Variants in POLK observed in about 807,000 individuals in gnomAD.
POLK encodes polymerase (DNA directed) kappa.
POLK carries 76 observed loss-of-function variants against 94.0 expected under a neutral mutation model. The ratio of observed to expected loss-of-function variants is 0.81; its 90% CI spans 0.67 to 0.98. POLK has a LOEUF of 0.98. Among genes scored for constraint, POLK ranks in the 50% least tolerant of loss-of-function variants. The pLI, the probability that POLK is intolerant of heterozygous loss-of-function variation, is 0.00. For synonymous variants in POLK, 349 were observed against 325.4 expected (o/e 1.07, Z -0.78); for missense variants, 954 against 1,010.1 (o/e 0.94, Z 0.75).
chr5:75,565,242 GTTC>G (rs1424951446), intron 3 of POLK, among the ~76,000 whole-genome samples: 1 of 152,082 alleles, frequency 6.6e-6, no homozygotes, highest in Non-Finnish European at 1.5e-5. Flanking sequence ...GGTCATTTAT[GTTC>G]TTCTCTAAAC....
chr5:75,532,211 T>G (rs948387577), intron 1 of POLK, among the ~76,000 whole-genome samples: 2 of 152,172 alleles, frequency 1.3e-5, no homozygotes, highest in Admixed American at 6.5e-5. Flanking sequence ...GTACCTGATA[T>G]GTAGTTTTTC....
At chr5:75,511,625 T>A (rs1447671571), upstream of POLK, 27 of 1,481,974 alleles carry the variant, frequency 1.8e-5, no homozygotes, top group South Asian at 1.4e-4. Flanking sequence ...CCTGGCCCAC[T>A]ATTTACCCTC....
At position 75,576,900 on chromosome 5, in the gene POLK, T is replaced by TA. The variant is rs1229815032; in HGVS notation, c.662dup (p.Tyr221Ter). 1.3e-6 allele frequency: 2 copies of TA among 1,567,172 alleles called. No individual in the cohort carries two copies. The highest frequency in any genetic ancestry group is 1.2e-5 in the South Asian group (1 of 81,952). The change falls in exon 6 of 15, where the codon TAT becomes TAAT. Residue 221 changes from tyrosine (Y) to a stop codon, truncating the protein, a stop_gained and frameshift_variant. Transcript: ENST00000241436. LOFTEE classifies it high-confidence loss of function. ...AAATTGGCCTGAGGATAAAAGAAGG[T>TA]ATTTCATCAAAATGGGAAGCTCTGT...
At chr5:75,513,530 G>C (rs1768173517) in intron 1 of POLK, among the ~76,000 whole-genome samples, 1 of 152,110 alleles carries the variant, frequency 6.6e-6, no homozygotes, top group South Asian at 2.1e-4. Context: ...TTTCAGAAAT[G>C]GAATTTCAAA....
chr5:75,565,759 T>C (rs1771232260), intron 3 of POLK, among the ~76,000 whole-genome samples: 1 of 152,192 alleles, frequency 6.6e-6, no homozygotes. Context: ...GGAAGCTTCA[T>C]CCCAGAGGGG....
chr5:75,597,144 A>G lies in POLK; in HGVS notation c.2451A>G (p.Pro817=), dbSNP rs765787616. 10 of 1,606,852 alleles carry G rather than the reference A, an allele frequency of 6.2e-6. No individual in the cohort carries two copies. The Middle Eastern group carries it at 5.0e-4, about 80-fold the overall frequency. ...AATTAAGAAAGGATAAATTTAACCC[A>G]GTTAATCAACCCAAAGAAAGCTCCA... The change falls in exon 13 of 15, where the codon CCA becomes CCG. Residue 817 remains proline, a synonymous_variant. Coordinates refer to ENST00000241436, the Ensembl canonical transcript of POLK.
upstream of POLK, chr5:75,511,350 G>C: frequency 1.3e-6 from 2 of 1,542,786 alleles, no homozygotes; most frequent in Non-Finnish European, 1.7e-6. Context: ...GAGGAGGGAC[G>C]AAGTCCGCCC....
chr5:75,564,560 C>G (rs1771163228), intron 3 of POLK, among the ~76,000 whole-genome samples: 1 of 152,192 alleles, frequency 6.6e-6, no homozygotes, highest in Non-Finnish European at 1.5e-5. Flanking sequence ...GTGCTTCCTT[C>G]AGGAGCTCTT....
exon 11 of POLK, chr5:75,590,392 A>G (rs1772718889): frequency 6.2e-7 from 1 of 1,611,176 alleles, no homozygotes; most frequent in Non-Finnish European, 8.5e-7. Context: ...GCCTATGTCA[A>G]GAACTTTGCA....
chr5:75,570,522 G>T (rs1771535236), intron 4 of POLK, among the ~76,000 whole-genome samples: 1 of 152,146 alleles, frequency 6.6e-6, no homozygotes. Flanking sequence ...AAAAGAAAAG[G>T]TTTGCCAACC....
chr5:75,548,030 C>A (rs1770141325), intron 2 of POLK, among the ~76,000 whole-genome samples: 1 of 152,004 alleles, frequency 6.6e-6, no homozygotes, highest in African/African-American at 2.4e-5. Flanking sequence ...CTCAAGTGTT[C>A]CTCCCACCTC....
intron 3 of POLK, 142 bp from the exon 4 acceptor site, chr5:75,569,198 T>G: frequency 1.7e-6 from 1 of 594,828 alleles, no homozygotes; most frequent in East Asian, 2.9e-5. Context: ...GATGGGTGGA[T>G]GGATGAATGG....
chr5:75,550,120 A>G (rs1295018138), intron 2 of POLK, among the ~76,000 whole-genome samples: 5 of 152,192 alleles, frequency 3.3e-5, no homozygotes, highest in Admixed American at 6.5e-5. Context: ...AACACTTCCC[A>G]ACTCCTATGA....
At chr5:75,545,383 C>T (rs900319137) in intron 1 of POLK, among the ~76,000 whole-genome samples, 1 of 152,132 alleles carries the variant, frequency 6.6e-6, no homozygotes, top group African/African-American at 2.4e-5. Flanking sequence ...TGGAGGCAAC[C>T]GTAATGTCAT....
rs1561371302 is a variant in POLK, at chr5:75,559,517, TG to T, written c.255+6927del. 4.6e-3 allele frequency among the ~76,000 whole-genome samples: 649 copies of T among 141,218 alleles called. 30 individuals carry two copies. The highest frequency in any genetic ancestry group is 8.7e-3 in the South Asian group (37 of 4,244). 92.6% of individuals were successfully genotyped at this position (141,218 alleles called of 152,430 possible). ...TGATTTGGGGTTTGTTTTTTTGTTT[TG>T]TTTTGTTTTTTTTTTTTTTTTTTTT... On this transcript the variant is annotated intron_variant, in intron 3 of 14. Coordinates refer to ENST00000241436, the Ensembl canonical transcript of POLK.
intron 1 of POLK, among the ~76,000 whole-genome samples, chr5:75,529,139 G>A (rs1769018756): frequency 6.6e-6 from 1 of 152,148 alleles, no homozygotes; most frequent in South Asian, 2.1e-4. Context: ...TTTGACTCAT[G>A]GTTCTGCAGG....
chr5:75,599,307 CTTCT>C (rs1002886722), exon 15 of POLK: 6 of 152,136 alleles, frequency 3.9e-5, no homozygotes, highest in Admixed American at 2.6e-4. Context: ...TTTTCTGTTA[CTTCT>C]TTAAGGAGCT....
chr5:75,567,676 G>A (rs1204798091), intron 3 of POLK, among the ~76,000 whole-genome samples: 1 of 152,194 alleles, frequency 6.6e-6, no homozygotes, highest in Non-Finnish European at 1.5e-5. Flanking sequence ...ATCTAATACA[G>A]TAAGTGCCAT....
rs1463191519 is a variant in POLK at position 75,581,267 on chromosome 5, A to G, written c.753A>G (p.Leu251=). 5.6e-6 allele frequency: 9 copies of G among 1,611,154 alleles called. No individual in the cohort carries two copies. The East Asian group carries it at 1.6e-4, about 28-fold the overall frequency. ...AGCATGAACGATCCATCTCTCCACT[A>G]CTTTTTGAAGAGAGTCCTTCTGATG... The change falls in exon 7 of 15, where the codon CTA becomes CTG. Residue 251 remains leucine, a synonymous_variant. Coordinates refer to ENST00000241436, the Ensembl canonical transcript of POLK.
Sources: gnomAD v4.1 joint callset for allele counts (sites outside exome capture counted in the v4.1 genomes callset) on GRCh38, gnomAD v4.1.1 for gene constraint, MANE v1.5 for transcripts, NCBI Gene and HGNC (gene_info 2026-07-23, HGNC 2026-07-21) for gene names.